The following LHFPL3 variants were observed in gnomAD, a reference collection of about 807,000 sequenced individuals.
LHFPL3 encodes the protein LHFPL tetraspan subfamily member 3 protein.
In LHFPL3, 5 loss-of-function variants were observed where a neutral mutation model predicts 19.3. The observed-to-expected ratio is 0.26, with a 90% CI of 0.14 to 0.54. The LOEUF (loss-of-function observed/expected upper bound fraction) is 0.54. Ranked by LOEUF, LHFPL3 falls within the 20% of genes least tolerant of loss-of-function variation. The pLI is 0.94. For synonymous variants in LHFPL3, 133 were observed against 126.2 expected, an observed-to-expected ratio of 1.05 and a Z score of -0.36; for missense variants, 249 against 307.4, an observed-to-expected ratio of 0.81 and a Z score of 1.42.
At chr7:104,597,036 C>A (rs1029259384) in intron 1 of LHFPL3, among the ~76,000 whole-genome samples, 1 of 152,172 alleles carries the variant, frequency 6.6e-6, no homozygotes, top group Non-Finnish European at 1.5e-5. Flanking sequence ...CCACTGAAAC[C>A]AACTGTAATC....
chr7:104,706,917 G>T (rs1230743604), intron 1 of LHFPL3, among the ~76,000 whole-genome samples: 1 of 149,894 alleles, frequency 6.7e-6, no homozygotes, highest in African/African-American at 2.4e-5. Context: ...AGGGGAGAGA[G>T]GGAGGAGGAT....
In LHFPL3 at chr7:104,828,219, G is replaced by T. The variant is rs6945336; in HGVS notation, c.683-77968G>T. Among the ~76,000 whole-genome samples, 347 of 152,012 alleles carry T rather than the reference G, an allele frequency of 2.3e-3. 12 individuals are homozygous for T. The highest frequency in any genetic ancestry group is 8.1e-3 in the African/African-American group (335 of 41,296). ...GCCCACCCAGCCTCAGCCTCTATAT[G>T]TGAGATGGTTTGAAAGACATAGTCA... On this transcript the variant is annotated intron_variant, in intron 2 of 2. Transcript: ENST00000424859.
intron 1 of LHFPL3, among the ~76,000 whole-genome samples, chr7:104,592,377 G>C (rs1386689331): frequency 2.0e-5 from 3 of 150,980 alleles, no homozygotes; most frequent in Non-Finnish European, 2.9e-5. Context: ...GTTGGAGTTT[G>C]CTGGACGTCC....
At chr7:104,849,559 T>C (rs1233152039) in intron 2 of LHFPL3, among the ~76,000 whole-genome samples, 1 of 152,214 alleles carries the variant, frequency 6.6e-6, no homozygotes, top group Non-Finnish European at 1.5e-5. Context: ...AAAAGGCATA[T>C]AAATTTATTT....
intron 1 of LHFPL3, among the ~76,000 whole-genome samples, chr7:104,390,792 C>T (rs192986259): frequency 0.41 from 62,784 of 151,930 alleles, 13,332 homozygotes; most frequent in Admixed American, 0.54. Context: ...TAGTTTACAG[C>T]CCCACCAACA....
intron 1 of LHFPL3, among the ~76,000 whole-genome samples, chr7:104,436,561 C>G (rs1033755412): frequency 2.0e-5 from 3 of 152,124 alleles, no homozygotes; most frequent in Non-Finnish European, 4.4e-5. Context: ...AATCTTGGTT[C>G]TTACTTTGTG....
At chr7:104,438,818 T>A (rs1487524081) in intron 1 of LHFPL3, among the ~76,000 whole-genome samples, 4 of 151,658 alleles carry the variant, frequency 2.6e-5, no homozygotes, top group Non-Finnish European at 4.4e-5. Flanking sequence ...GTTGATTTTT[T>A]AAAAAAACAA....
chr7:104,633,701 G>A (rs958357785), intron 1 of LHFPL3, among the ~76,000 whole-genome samples: 13 of 152,304 alleles, frequency 8.5e-5, no homozygotes, highest in Admixed American at 7.8e-4. Context: ...GCTATGTCAC[G>A]TAATTACATT....
At chr7:104,596,523 C>T (rs1176348750) in intron 1 of LHFPL3, among the ~76,000 whole-genome samples, 2 of 152,182 alleles carry the variant, frequency 1.3e-5, no homozygotes, top group African/African-American at 2.4e-5. Context: ...AACAATTTTC[C>T]TGCATCTTTC....
intron 2 of LHFPL3, among the ~76,000 whole-genome samples, chr7:104,890,064 C>G (rs1182347267): frequency 6.6e-6 from 1 of 152,068 alleles, no homozygotes; most frequent in Non-Finnish European, 1.5e-5. Flanking sequence ...TTTGTGAGAT[C>G]GAGGCAGGAG....
chr7:104,341,197 TAAGTA>T (rs1325571785), intron 1 of LHFPL3, among the ~76,000 whole-genome samples: 1 of 152,240 alleles, frequency 6.6e-6, no homozygotes, highest in Admixed American at 6.5e-5. Context: ...ATTGTTTTCC[TAAGTA>T]AAGAAGGTAG....
intron 1 of LHFPL3, among the ~76,000 whole-genome samples, chr7:104,445,913 C>A (rs1792321240): frequency 6.6e-6 from 1 of 152,150 alleles, no homozygotes; most frequent in African/African-American, 2.4e-5. Context: ...TAATCTGAAC[C>A]TCCTGACCCT....
At chr7:104,758,650 A>G (rs1197133781) in intron 2 of LHFPL3, among the ~76,000 whole-genome samples, 1 of 152,114 alleles carries the variant, frequency 6.6e-6, no homozygotes, top group Non-Finnish European at 1.5e-5. Context: ...TACTCATGCA[A>G]TTTTTCAGGC....
chr7:104,513,429 A>G (rs1364725717), intron 1 of LHFPL3, among the ~76,000 whole-genome samples: 1 of 152,218 alleles, frequency 6.6e-6, no homozygotes, highest in Non-Finnish European at 1.5e-5. Context: ...ACATTATTAA[A>G]TTAACTACAG....
intron 1 of LHFPL3, among the ~76,000 whole-genome samples, chr7:104,487,648 C>T (rs969763348): frequency 6.6e-6 from 1 of 152,212 alleles, no homozygotes; most frequent in Non-Finnish European, 1.5e-5. Flanking sequence ...TCCTCATTAA[C>T]ATCATAATAA....
At chr7:104,500,847 C>G (rs543927929) in intron 1 of LHFPL3, among the ~76,000 whole-genome samples, 106 of 152,284 alleles carry the variant, frequency 7.0e-4, no homozygotes, top group African/African-American at 2.5e-3. Context: ...CGTCTCCCAG[C>G]CTCCTCTCCC....
chr7:104,402,694 T>C (rs1329315098), intron 1 of LHFPL3, among the ~76,000 whole-genome samples: 1 of 152,242 alleles, frequency 6.6e-6, no homozygotes, highest in African/African-American at 2.4e-5. Flanking sequence ...CAGACTGGTC[T>C]TAGGGCTTTC....
intron 1 of LHFPL3, among the ~76,000 whole-genome samples, chr7:104,468,262 C>T (rs1399447082): frequency 2.6e-5 from 4 of 152,190 alleles, no homozygotes; most frequent in Admixed American, 6.5e-5. Context: ...AACAACTTAT[C>T]TAGCCAACCA....
chr7:104,416,367 T>C (rs1403084361), intron 1 of LHFPL3, among the ~76,000 whole-genome samples: 1 of 152,224 alleles, frequency 6.6e-6, no homozygotes. Flanking sequence ...ATATCTGTTG[T>C]TGAAGCCAAC....
Sources: allele counts gnomAD v4.1 joint callset (sites outside exome capture counted in the v4.1 genomes callset), GRCh38; gene constraint gnomAD v4.1.1; transcripts MANE v1.5; gene names NCBI Gene and HGNC (gene_info 2026-07-23, HGNC 2026-07-21).